Variants in ACSF2 observed in about 807,000 individuals in gnomAD.
ACSF2 encodes medium-chain acyl-CoA ligase ACSF2, mitochondrial.
A neutral mutation model predicts 79.3 loss-of-function variants in ACSF2; 52 were observed. That is an observed-to-expected ratio of 0.66 (90% CI 0.53 to 0.83). The LOEUF is 0.83. ACSF2 is among the 40% of genes least tolerant of loss of function. ACSF2 has a pLI of 0.00. For synonymous variants in ACSF2, 283 were observed against 312.6 expected (o/e 0.91, Z 1.00); for missense variants, 661 against 803.3 (o/e 0.82, Z 2.14).
intron 1 of ACSF2, among the ~76,000 whole-genome samples, chr17:50,431,823 G>A (rs1416637369): frequency 6.6e-6 from 1 of 152,158 alleles, no homozygotes; most frequent in African/African-American, 2.4e-5. Flanking sequence ...ATGAAACTTT[G>A]GAGCCAGGCA....
chr17:50,440,378 C>A (rs571074163), intron 1 of ACSF2, among the ~76,000 whole-genome samples: 2 of 152,172 alleles, frequency 1.3e-5, no homozygotes, highest in Non-Finnish European at 2.9e-5. Flanking sequence ...ATTTCCACCC[C>A]CCGACAGGGG....
chr17:50,468,991 A>G (rs2032954215), intron 10 of ACSF2: 1 of 1,365,596 alleles, frequency 7.3e-7, no homozygotes. Context: ...GCTCGCGCCC[A>G]GAGATGCGCC....
intron 1 of ACSF2, chr17:50,450,750 G>A (rs2031618887): frequency 6.6e-6 from 1 of 152,662 alleles, no homozygotes; most frequent in Non-Finnish European, 1.5e-5. Flanking sequence ...TTGGATCTAA[G>A]TCTCCACTCT....
rs954301632 is a variant in ACSF2, at chr17:50,468,994, G to C, written c.1216-2034G>C. ...TGGGCTTAACTCGCTCGCGCCCAGA[G>C]ATGCGCCCCCGCCCTCCACGGGGAA... On this transcript the variant is annotated intron_variant, in intron 10 of 15. Coordinates refer to ENST00000300441, the MANE Select transcript of ACSF2 (RefSeq NM_025149.6). 17 of 1,365,250 alleles carry C rather than the reference G, an allele frequency of 1.2e-5. No homozygotes were observed. The South Asian group carries it at 1.9e-4, about 15-fold the overall frequency. The allele number at this position is 1,365,250 out of a possible 1,614,324, so 84.6% of individuals were successfully genotyped here.
Position 50,473,680 on chromosome 17 carries a change from G to A in ACSF2, c.1491G>A (p.Met497Ile). 6.2e-7 allele frequency: 1 copy of A among 1,614,204 alleles called. No homozygotes were observed. The change falls in exon 13 of 16, where the codon ATG becomes ATA. Residue 497 changes from methionine to isoleucine, a missense_variant. Coordinates refer to ENST00000300441, the MANE Select transcript of ACSF2 (RefSeq NM_025149.6). ...KWYWTGDVAT[M>I]NEQGFCKIVG... ...TTCCTTACAGAGATGTCGCCACAAT[G>A]AATGAGCAGGGCTTCTGCAAGATCG...
chr17:50,468,762 G>A, intron 10 of ACSF2: 1 of 1,592,344 alleles, frequency 6.3e-7, no homozygotes, highest in Non-Finnish European at 8.5e-7. Context: ...GCCAGCGCCG[G>A]CAGCAGACCA....
chr17:50,437,815 GA>G (rs1299872711), intron 1 of ACSF2, among the ~76,000 whole-genome samples: 1 of 151,912 alleles, frequency 6.6e-6, no homozygotes, highest in Non-Finnish European at 1.5e-5. Flanking sequence ...ACTTTCATGT[GA>G]AAAAAAATTT....
intron 1 of ACSF2, among the ~76,000 whole-genome samples, chr17:50,430,971 T>C (rs1386004075): frequency 6.6e-6 from 1 of 152,220 alleles, no homozygotes; most frequent in Non-Finnish European, 1.5e-5. Context: ...TACACACACA[T>C]GGAAAACTAC....
intron 10 of ACSF2, chr17:50,464,988 A>T: frequency 2.5e-6 from 1 of 402,066 alleles, no homozygotes; most frequent in Non-Finnish European, 4.6e-6. Flanking sequence ...TGGAGGTGAG[A>T]AGGTCAGTAG....
intron 1 of ACSF2, 122 bp from the exon 2 acceptor site, chr17:50,460,555 A>T: frequency 1.2e-6 from 1 of 842,498 alleles, no homozygotes; most frequent in Non-Finnish European, 1.8e-6. Context: ...GATCTGGAGG[A>T]AACCTAGTGG....
intron 10 of ACSF2, chr17:50,465,149 A>G: frequency 1.1e-6 from 1 of 900,478 alleles, no homozygotes; most frequent in Non-Finnish European, 1.7e-6. Flanking sequence ...TCCCTTCAAC[A>G]GGGGACCCAG....
Position 50,473,518 on chromosome 17 carries a change from A to G in ACSF2, c.1476-147A>G, listed in dbSNP as rs2033209545. ...CTCCCCTTACTGGACTATTAATTCC[A>G]GAGACTGTGTCTTGTTCCTGCTATG... On this transcript the variant is annotated intron_variant, in intron 12 of 15. Transcript: ENST00000300441. 7.2e-6 allele frequency: 8 copies of G among 1,114,086 alleles called. No individual in the cohort carries two copies. The South Asian group carries it at 1.1e-4, about 15-fold the overall frequency. 69.0% of individuals were successfully genotyped at this position (1,114,086 alleles called of 1,614,324 possible).
At chr17:50,426,604 G>A (rs1207589834) in intron 1 of ACSF2, among the ~76,000 whole-genome samples, 1 of 152,214 alleles carries the variant, frequency 6.6e-6, no homozygotes, top group Non-Finnish European at 1.5e-5. Flanking sequence ...GGTGGCTGCA[G>A]TGACTTCGAG....
At chr17:50,458,488 T>G (rs986776177) in intron 1 of ACSF2, among the ~76,000 whole-genome samples, 16 of 152,168 alleles carry the variant, frequency 1.1e-4, no homozygotes, top group Non-Finnish European at 1.6e-4. Flanking sequence ...ATAAATTTCT[T>G]AAGGGAGTTT....
At chr17:50,426,994 C>T (rs780163035) in intron 1 of ACSF2, 179 of 1,535,452 alleles carry the variant, frequency 1.2e-4, no homozygotes, top group Non-Finnish European at 1.5e-4. Context: ...GTAAAGCTGC[C>T]TTCCCGGTGT....
chr17:50,432,274 C>T (rs967803624), intron 1 of ACSF2, among the ~76,000 whole-genome samples: 1 of 152,178 alleles, frequency 6.6e-6, no homozygotes, highest in Non-Finnish European at 1.5e-5. Flanking sequence ...GCTTAACACA[C>T]AGTTTGATGC....
chr17:50,447,216 T>C (rs948356158), intron 1 of ACSF2, among the ~76,000 whole-genome samples: 2 of 152,104 alleles, frequency 1.3e-5, no homozygotes, highest in Non-Finnish European at 2.9e-5. Context: ...ATTCTGGACA[T>C]ATATATGGAA....
chr17:50,464,499 A>AATAC (rs2032554665), intron 10 of ACSF2: 1 of 693,728 alleles, frequency 1.4e-6, no homozygotes, highest in Non-Finnish European at 2.6e-6. Flanking sequence ...GAGTAAATAT[A>AATAC]ATACATACAT....
intron 1 of ACSF2, among the ~76,000 whole-genome samples, chr17:50,451,179 T>C (rs1024750509): frequency 4.6e-5 from 7 of 152,250 alleles, no homozygotes; most frequent in Non-Finnish European, 1.0e-4. Flanking sequence ...GCTCAAGCGA[T>C]CCTCCCACCT....
Sources: gnomAD v4.1 joint callset for allele counts (sites outside exome capture counted in the v4.1 genomes callset) on GRCh38, gnomAD v4.1.1 for gene constraint, MANE v1.5 for transcripts, NCBI Gene and HGNC (gene_info 2026-07-23, HGNC 2026-07-21) for gene names.